Variants in ME3 observed in about 807,000 individuals in gnomAD.
ME3 encodes the protein malic enzyme 3.
A neutral mutation model predicts 68.9 loss-of-function variants in ME3; 48 were observed. The ratio of observed to expected loss-of-function variants is 0.70; its 90% CI spans 0.55 to 0.89. The LOEUF (loss-of-function observed/expected upper bound fraction) is 0.89. Among genes scored for constraint, ME3 ranks in the 40% least tolerant of loss-of-function variants. The pLI is 0.00. For synonymous variants in ME3, 320 were observed against 318.8 expected (o/e 1.00, Z -0.04); for missense variants, 675 against 797.4 (o/e 0.85, Z 1.85).
chr11:86,578,230 G>C (rs976677667), intron 2 of ME3, among the ~76,000 whole-genome samples: 1 of 151,990 alleles, frequency 6.6e-6, no homozygotes, highest in African/African-American at 2.4e-5. Context: ...TACTGTTCTT[G>C]GCACCCTAAT....
rs2276394 is a variant in ME3 at position 86,559,537 on chromosome 11, A to G, written c.317+153T>C. On this transcript the variant is annotated intron_variant, in intron 3 of 14. Transcript: ENST00000543262. ...ACAAGCCTTGTCTCTCAGGGAGACC[A>G]TGAATCCTTTAGAAGGTAGGGCTGA... 2.9e-4 allele frequency among the ~76,000 whole-genome samples: 44 copies of G among 152,286 alleles called. No homozygotes were observed. In the East Asian group the frequency reaches 8.3e-3, roughly 29 times the overall value.
chr11:86,605,393 C>T (rs993703097), intron 2 of ME3, among the ~76,000 whole-genome samples: 3 of 152,142 alleles, frequency 2.0e-5, no homozygotes, highest in African/African-American at 7.2e-5. Context: ...ACTTAAGAAC[C>T]TGTGACCAGG....
chr11:86,459,872 A>G lies in ME3; in HGVS notation c.919+5219T>C, dbSNP rs1400740309. Among the ~76,000 whole-genome samples the G allele has an allele frequency of 2.0e-5, 3 of 152,356 alleles. No homozygotes were observed. In the East Asian group the frequency reaches 5.8e-4, roughly 29 times the overall value. On this transcript the variant is annotated intron_variant, in intron 8 of 14. Coordinates refer to ENST00000543262, the Ensembl canonical transcript of ME3. ...CAGGATTGGTGGACAATGCAGGTCC[A>G]GGGAAGGCTGGCCAGGTGGAGGAAG... is the stretch of plus-strand genomic sequence containing the variant.
At chr11:86,473,721 A>C (rs1212145246) in intron 7 of ME3, among the ~76,000 whole-genome samples, 1 of 152,160 alleles carries the variant, frequency 6.6e-6, no homozygotes, top group African/African-American at 2.4e-5. Flanking sequence ...GTGAATCAGC[A>C]GAGGGGGTCA....
Position 86,475,874 on chromosome 11 carries a change from T to TATAGAG in ME3, c.810-10675_810-10674insCTCTAT. On this transcript the variant is annotated intron_variant, in intron 7 of 14. Transcript: ENST00000543262. ...CAGTATATATATATATATATATATA[T>TATAGAG]AGAGAGAGAGAGAGAGAGAGAGAGA... Among the ~76,000 whole-genome samples, 563 of 91,444 alleles carry TATAGAG rather than the reference T, an allele frequency of 6.2e-3. 6 individuals are homozygous for TATAGAG. Among genetic ancestry groups the TATAGAG allele is most frequent in the African/African-American group, 0.017 (346 of 19,992 alleles). The allele number at this position is 91,444 out of a possible 152,430, so 60.0% of individuals were successfully genotyped here.
intron 2 of ME3, among the ~76,000 whole-genome samples, chr11:86,641,326 G>A (rs1944661452): frequency 6.6e-6 from 1 of 152,166 alleles, no homozygotes; most frequent in Non-Finnish European, 1.5e-5. Context: ...TTTGACCAAA[G>A]ATGCTAATGA....
intron 3 of ME3, 29 bp downstream of exon 3, chr11:86,559,661 G>C: frequency 6.3e-7 from 1 of 1,596,636 alleles, no homozygotes; most frequent in Non-Finnish European, 8.6e-7. Flanking sequence ...CCAAGGACCA[G>C]ACAGAGAGAA....
intron 5 of ME3, among the ~76,000 whole-genome samples, chr11:86,504,073 C>T (rs1289654369): frequency 1.3e-5 from 2 of 152,210 alleles, no homozygotes; most frequent in African/African-American, 2.4e-5. Context: ...CCATTTCCAT[C>T]GCAGCCTACT....
At chr11:86,436,757 A>G (rs1013109687), downstream of ME3, 3 of 152,038 alleles carry the variant, frequency 2.0e-5, no homozygotes, top group African/African-American at 7.2e-5. Context: ...TGGATATTCA[A>G]TTGTTTCAGC....
intron 5 of ME3, among the ~76,000 whole-genome samples, chr11:86,498,366 A>T (rs1261582410): frequency 1.3e-5 from 2 of 152,162 alleles, no homozygotes; most frequent in African/African-American, 2.4e-5. Context: ...TTGCATTCTG[A>T]GCTTCAGGTG....
At chr11:86,648,735 A>C (rs1221603177) in intron 2 of ME3, among the ~76,000 whole-genome samples, 1 of 152,168 alleles carries the variant, frequency 6.6e-6, no homozygotes, top group African/African-American at 2.4e-5. Context: ...AAATCTAGAA[A>C]AATGTGAATA....
chr11:86,486,109 G>C (rs1315534921), intron 7 of ME3, among the ~76,000 whole-genome samples: 1 of 152,144 alleles, frequency 6.6e-6, no homozygotes, highest in Non-Finnish European at 1.5e-5. Flanking sequence ...TGCCCCATCA[G>C]TGCCCAGTAC....
intron 4 of ME3, among the ~76,000 whole-genome samples, chr11:86,533,898 G>A (rs929481342): frequency 3.9e-5 from 6 of 151,946 alleles, no homozygotes; most frequent in African/African-American, 9.7e-5. Context: ...CCTACGCTAC[G>A]TGGTATAGCC....
intron 5 of ME3, among the ~76,000 whole-genome samples, chr11:86,502,164 T>C (rs1361051300): frequency 1.3e-5 from 2 of 152,242 alleles, no homozygotes; most frequent in Non-Finnish European, 2.9e-5. Flanking sequence ...CATGCCATTT[T>C]ACTTCTCAAT....
At chr11:86,540,557 C>T (rs1955980976) in intron 4 of ME3, among the ~76,000 whole-genome samples, 1 of 152,136 alleles carries the variant, frequency 6.6e-6, no homozygotes, top group South Asian at 2.1e-4. Context: ...AAATCCAAAT[C>T]CCTATGGGCT....
chr11:86,501,386 A>C (rs117818646), intron 5 of ME3, among the ~76,000 whole-genome samples: 1 of 152,228 alleles, frequency 6.6e-6, no homozygotes, highest in African/African-American at 2.4e-5. Flanking sequence ...TCATTAACAC[A>C]GAAAGACCAT....
At chr11:86,511,717 A>G (rs1953540119) in intron 4 of ME3, among the ~76,000 whole-genome samples, 2 of 152,154 alleles carry the variant, frequency 1.3e-5, no homozygotes, top group African/African-American at 4.8e-5. Flanking sequence ...ATGTAGGCAT[A>G]GTTTCTATAA....
intron 2 of ME3, among the ~76,000 whole-genome samples, chr11:86,652,833 C>A (rs1945552581): frequency 6.6e-6 from 1 of 152,034 alleles, no homozygotes; most frequent in Middle Eastern, 3.4e-3. Flanking sequence ...CATCAGTGTG[C>A]TGTATTCAGG....
chr11:86,447,114 G>T (rs767376114), exon 12 of ME3: 1 of 1,614,190 alleles, frequency 6.2e-7, no homozygotes, highest in Non-Finnish European at 8.5e-7. Context: ...CTTGCTGGTG[G>T]GGTTGCTCAG....
Sources: allele counts gnomAD v4.1 joint callset (sites outside exome capture counted in the v4.1 genomes callset), GRCh38; gene constraint gnomAD v4.1.1; transcripts MANE v1.5; gene names NCBI Gene and HGNC (gene_info 2026-07-23, HGNC 2026-07-21).